GSK3B: variants seen among roughly 807,000 people sequenced by gnomAD.
GSK3B encodes the protein glycogen synthase kinase-3 beta.
GSK3B carries 15 observed loss-of-function variants against 56.4 expected under a neutral mutation model. That is an observed-to-expected ratio of 0.27 (90% confidence interval 0.18 to 0.41). The LOEUF is 0.41. Among genes scored for constraint, GSK3B ranks in the 10% least tolerant of loss-of-function variants. GSK3B has a pLI of 1.00. For synonymous variants in GSK3B, 181 were observed against 188.9 expected (o/e 0.96, Z 0.34); for missense variants, 300 against 513.4 (o/e 0.58, Z 4.02).
chr3:119,935,598 C>T (rs1309781720), intron 3 of GSK3B, among the ~76,000 whole-genome samples: 3 of 152,134 alleles, frequency 2.0e-5, no homozygotes, highest in Non-Finnish European at 2.9e-5. Flanking sequence ...TTAAACATCA[C>T]CAAGTCTTTA....
chr3:120,047,134 GC>G (rs1472590008), intron 1 of GSK3B, among the ~76,000 whole-genome samples: 1 of 152,056 alleles, frequency 6.6e-6, no homozygotes, highest in Non-Finnish European at 1.5e-5. Context: ...TTCACGATAG[GC>G]AAACAGAATT....
intron 9 of GSK3B, among the ~76,000 whole-genome samples, chr3:119,863,150 C>T (rs2056130541): frequency 6.6e-6 from 1 of 152,224 alleles, no homozygotes; most frequent in Non-Finnish European, 1.5e-5. Flanking sequence ...ACTTCACTCA[C>T]TGAACTCTCT....
chr3:120,074,082 A>G (rs532233808), intron 1 of GSK3B, among the ~76,000 whole-genome samples: 2 of 152,222 alleles, frequency 1.3e-5, no homozygotes, highest in Admixed American at 1.3e-4. Context: ...AGGTGGATAG[A>G]TCACTTGAGT....
chr3:119,952,014 G>A (rs2057161797), intron 2 of GSK3B, among the ~76,000 whole-genome samples: 1 of 149,848 alleles, frequency 6.7e-6, no homozygotes, highest in Admixed American at 6.7e-5. Flanking sequence ...AGAACAAAGA[G>A]GGAAAAAATA....
At chr3:119,972,454 G>C (rs2057376403) in intron 2 of GSK3B, among the ~76,000 whole-genome samples, 1 of 152,076 alleles carries the variant, frequency 6.6e-6, no homozygotes, top group African/African-American at 2.4e-5. Flanking sequence ...TTGTTTTTTT[G>C]AGACGGAGTC....
At chr3:119,945,415 T>C (rs2057090320) in intron 3 of GSK3B, among the ~76,000 whole-genome samples, 1 of 152,240 alleles carries the variant, frequency 6.6e-6, no homozygotes, top group African/African-American at 2.4e-5. Flanking sequence ...GACTTCTAAT[T>C]GCTCTTTATC....
chr3:119,845,484 A>T (rs950517608), intron 9 of GSK3B, among the ~76,000 whole-genome samples: 1 of 152,206 alleles, frequency 6.6e-6, no homozygotes, highest in East Asian at 1.9e-4. Context: ...ATACAAAATC[A>T]ATCTCAAAAA....
At chr3:119,909,218 C>A (rs902299397) in intron 6 of GSK3B, among the ~76,000 whole-genome samples, 1 of 152,046 alleles carries the variant, frequency 6.6e-6, no homozygotes, top group Admixed American at 6.6e-5. Flanking sequence ...ACCATGTTGC[C>A]CAGGCTGGTC....
intron 1 of GSK3B, among the ~76,000 whole-genome samples, chr3:120,086,043 C>G (rs1212653729): frequency 6.6e-6 from 1 of 152,016 alleles, no homozygotes; most frequent in Non-Finnish European, 1.5e-5. Flanking sequence ...TCTCATAGGC[C>G]ATAAATGTAT....
chr3:119,839,014 T>C (rs927196590), intron 10 of GSK3B, among the ~76,000 whole-genome samples: 3 of 152,214 alleles, frequency 2.0e-5, no homozygotes, highest in African/African-American at 4.8e-5. Context: ...AACTTAATAT[T>C]TGCACCATCT....
intron 9 of GSK3B, among the ~76,000 whole-genome samples, chr3:119,858,064 T>C (rs1482562043): frequency 6.6e-6 from 1 of 152,246 alleles, no homozygotes. Flanking sequence ...TGTGCTGTCA[T>C]GCAGACTTTT....
At chr3:120,000,189 A>G (rs1020205837) in intron 2 of GSK3B, among the ~76,000 whole-genome samples, 52 of 152,246 alleles carry the variant, frequency 3.4e-4, no homozygotes, top group African/African-American at 1.2e-3. Context: ...AGGGATGAGC[A>G]AATGGAACAG....
chr3:119,983,378 G>C (rs1431432629), intron 2 of GSK3B, among the ~76,000 whole-genome samples: 8 of 152,030 alleles, frequency 5.3e-5, no homozygotes, highest in Non-Finnish European at 1.2e-4. Flanking sequence ...ATGTAAACAG[G>C]CTAAATGCCC....
intron 7 of GSK3B, among the ~76,000 whole-genome samples, chr3:119,891,113 C>A (rs1320052879): frequency 6.6e-6 from 1 of 151,724 alleles, no homozygotes; most frequent in Non-Finnish European, 1.5e-5. Flanking sequence ...AAGTGCTACA[C>A]TGCACTGGAA....
In GSK3B at chr3:119,823,018, AC is replaced by A; in HGVS notation, c.*3769del. ...TTAGGCATACATTGTTAAAACATAAACCAAAAATGTGTCTAAAAATTAAGAG... is the reference window on the plus strand; with the variant it reads ...TTAGGCATACATTGTTAAAACATAAACAAAAATGTGTCTAAAAATTAAGAG... On this transcript the variant is annotated 3_prime_UTR_variant, in exon 11 of 11. Transcript: ENST00000264235. The A allele has an allele frequency of 4.3e-6, 1 of 230,020 alleles. No individual in the cohort carries two copies. Among genetic ancestry groups the A allele is most frequent in the Non-Finnish European group, 8.6e-6 (1 of 116,016 alleles). The allele number at this position is 230,020 out of a possible 1,614,324, so 14.2% of individuals were successfully genotyped here.
chr3:120,050,470 A>G (rs910811506), intron 1 of GSK3B, among the ~76,000 whole-genome samples: 1 of 152,256 alleles, frequency 6.6e-6, no homozygotes, highest in African/African-American at 2.4e-5. Context: ...GTCCTAAACT[A>G]AAGTGAAGGC....
intron 9 of GSK3B, among the ~76,000 whole-genome samples, chr3:119,861,562 C>A (rs1435304322): frequency 6.8e-6 from 1 of 147,716 alleles, no homozygotes; most frequent in Non-Finnish European, 1.5e-5. Context: ...AACCAAAAAA[C>A]AACAACAAAA....
At chr3:120,074,352 CTTT>C (rs61588608) in intron 1 of GSK3B, among the ~76,000 whole-genome samples, 3 of 134,778 alleles carry the variant, frequency 2.2e-5, no homozygotes, top group Middle Eastern at 3.8e-3. Context: ...TCATGAGAAA[CTTT>C]TTTTTTTTTT....
rs376373363 is a variant in GSK3B, at chr3:119,947,240, T to C, written c.366+28A>G. On this transcript the variant is annotated intron_variant, in intron 3 of 10. Transcript: ENST00000264235. ...GAAAAATAACAAATTTATCACAATA[T>C]TCAGTACACACTTTGTGTCAAACCT... 1.0e-5 allele frequency: 12 copies of C among 1,180,852 alleles called. No individual in the cohort carries two copies. In the African/African-American group the frequency reaches 1.0e-4, roughly 10 times the overall value. 73.1% of individuals were successfully genotyped at this position (1,180,852 alleles called of 1,614,324 possible). A position where few individuals can be genotyped will look rare whatever the true frequency, so the allele number is the denominator to read the frequency against.
Sources: allele counts gnomAD v4.1 joint callset (sites outside exome capture counted in the v4.1 genomes callset), GRCh38; gene constraint gnomAD v4.1.1; transcripts MANE v1.5; gene names NCBI Gene and HGNC (gene_info 2026-07-23, HGNC 2026-07-21).